Variants in ANO4 observed in about 807,000 individuals in gnomAD.
The protein encoded by ANO4 is anoctamin-4.
ANO4 carries 69 observed loss-of-function variants against 141.9 expected under a neutral mutation model. The ratio of observed to expected loss-of-function variants is 0.49; its 90% CI spans 0.40 to 0.59. ANO4 has a LOEUF of 0.59. Among genes scored for constraint, ANO4 ranks in the 20% least tolerant of loss-of-function variants. ANO4 has a pLI of 0.00. For synonymous variants in ANO4, 350 were observed against 394.3 expected (o/e 0.89, Z 1.33); for missense variants, 894 against 1,162.2 (o/e 0.77, Z 3.36).
intron 1 of ANO4, among the ~76,000 whole-genome samples, chr12:100,842,678 A>T (rs2037336527): frequency 6.6e-6 from 1 of 152,106 alleles, no homozygotes; most frequent in Non-Finnish European, 1.5e-5. Flanking sequence ...GAGCAGATTC[A>T]GTGTCTGGTG....
chr12:100,727,223 T>A (rs77568581), intron 1 of ANO4, among the ~76,000 whole-genome samples: 2,010 of 152,342 alleles, frequency 0.013, 20 homozygotes, highest in Non-Finnish European at 0.022. Flanking sequence ...GTGTTTTTAC[T>A]AAAATTTTTC....
At chr12:100,845,773 G>A (rs1463112402) in intron 1 of ANO4, among the ~76,000 whole-genome samples, 1 of 152,172 alleles carries the variant, frequency 6.6e-6, no homozygotes, top group Admixed American at 6.5e-5. Context: ...TCATAATGTT[G>A]TTTTTAGATA....
At chr12:101,028,677 A>G (rs545263911) in intron 9 of ANO4, among the ~76,000 whole-genome samples, 51 of 152,348 alleles carry the variant, frequency 3.3e-4, no homozygotes, top group Non-Finnish European at 6.8e-4. Context: ...ATGGGACTTC[A>G]TAAAAAGACC....
intron 11 of ANO4, 99 bp downstream of exon 11, chr12:101,040,175 GTGTAC>G: frequency 6.9e-7 from 1 of 1,443,184 alleles, no homozygotes; most frequent in Non-Finnish European, 9.3e-7. Context: ...AGAGCCTGAA[GTGTAC>G]AGCTCTCACT....
At chr12:100,730,224 C>G (rs543562666) in intron 1 of ANO4, among the ~76,000 whole-genome samples, 1 of 152,130 alleles carries the variant, frequency 6.6e-6, no homozygotes, top group South Asian at 2.1e-4. Context: ...TTTATTGATT[C>G]AGCAAATTCC....
intron 13 of ANO4, among the ~76,000 whole-genome samples, chr12:101,046,439 ATTTC>A (rs1295687285): frequency 1.3e-5 from 2 of 152,180 alleles, no homozygotes; most frequent in East Asian, 3.9e-4. Context: ...GAGCTTATGT[ATTTC>A]TCTAACCTGT....
intron 3 of ANO4, among the ~76,000 whole-genome samples, chr12:100,751,975 C>G (rs534333743): frequency 1.3e-5 from 2 of 152,260 alleles, no homozygotes; most frequent in South Asian, 4.1e-4. Flanking sequence ...CTTGTCTTCT[C>G]AGCTTTGTGA....
chr12:100,970,663 C>CGCCTTCCT (rs372004015), intron 5 of ANO4, among the ~76,000 whole-genome samples: 5,269 of 91,710 alleles, frequency 0.057, 684 homozygotes, highest in Admixed American at 0.085. Flanking sequence ...CTCCCTCCCT[C>CGCCTTCCT]TCCTTCCTTC....
intron 1 of ANO4, among the ~76,000 whole-genome samples, chr12:100,871,247 G>C (rs982652251): frequency 6.6e-6 from 1 of 152,162 alleles, no homozygotes; most frequent in African/African-American, 2.4e-5. Flanking sequence ...ACATAATTCA[G>C]TGTGCCTATG....
chr12:100,992,767 G>C (rs2045198586), intron 8 of ANO4, among the ~76,000 whole-genome samples: 1 of 152,130 alleles, frequency 6.6e-6, no homozygotes, highest in Non-Finnish European at 1.5e-5. Context: ...GCATAAAATT[G>C]GCACACAATG....
chr12:101,058,284 G>A (rs1295416959), intron 14 of ANO4, among the ~76,000 whole-genome samples: 3 of 152,222 alleles, frequency 2.0e-5, no homozygotes, highest in African/African-American at 7.2e-5. Flanking sequence ...ATAGTTTGAA[G>A]TCAGGTAGCG....
chr12:100,787,800 T>C (rs2033920641), intron 3 of ANO4, among the ~76,000 whole-genome samples: 1 of 152,200 alleles, frequency 6.6e-6, no homozygotes, highest in Non-Finnish European at 1.5e-5. Flanking sequence ...TGTCATTTTC[T>C]TTGGGCCACA....
chr12:100,870,354 G>C (rs866415133), intron 1 of ANO4, among the ~76,000 whole-genome samples: 1 of 152,158 alleles, frequency 6.6e-6, no homozygotes, highest in South Asian at 2.1e-4. Context: ...CCTTTCTTTA[G>C]TTATCCTTAT....
chr12:100,730,790 G>A (rs1017188582), intron 1 of ANO4, among the ~76,000 whole-genome samples: 2 of 151,972 alleles, frequency 1.3e-5, no homozygotes, highest in African/African-American at 4.8e-5. Flanking sequence ...GAAAGAGTTG[G>A]CCACATACAC....
chr12:101,009,869 T>A (rs1485208400), intron 8 of ANO4, among the ~76,000 whole-genome samples: 2 of 152,178 alleles, frequency 1.3e-5, no homozygotes, highest in Admixed American at 6.5e-5. Flanking sequence ...CCTGGGCTGA[T>A]CCTCTAATGT....
chr12:101,056,635 T>C (rs1242372393), intron 14 of ANO4, among the ~76,000 whole-genome samples: 1 of 152,130 alleles, frequency 6.6e-6, no homozygotes, highest in Non-Finnish European at 1.5e-5. Context: ...GGATACAAGT[T>C]ATGTACTAGA....
rs1183375687 is a variant in ANO4, at chr12:101,079,282, A to C, written c.1395+7A>C. The C allele has an allele frequency of 6.2e-7, 1 of 1,609,944 alleles. No homozygotes were observed. The highest frequency in any genetic ancestry group is 8.5e-7 in the Non-Finnish European group (1 of 1,176,416). On this transcript the variant is annotated splice_region_variant and intron_variant, in intron 15 of 27. Transcript: ENST00000392977. Reference sequence around the variant, plus strand: ...AGACTGGGAAGAAGAGGAGGTTTGTATCATTTACCTCAGAATGTTGTAAAA... The same window carrying C: ...AGACTGGGAAGAAGAGGAGGTTTGTCTCATTTACCTCAGAATGTTGTAAAA...
chr12:100,759,066 G>A (rs1019629671), intron 3 of ANO4, among the ~76,000 whole-genome samples: 3 of 152,058 alleles, frequency 2.0e-5, no homozygotes, highest in African/African-American at 7.2e-5. Flanking sequence ...CATATATTTT[G>A]GGAGGCACTA....
intron 1 of ANO4, among the ~76,000 whole-genome samples, chr12:100,830,009 G>T (rs2036556516): frequency 6.6e-6 from 1 of 151,994 alleles, no homozygotes; most frequent in Non-Finnish European, 1.5e-5. Flanking sequence ...GTGTGATCTT[G>T]AACAAGTCTG....
Sources: gnomAD v4.1 joint callset for allele counts (sites outside exome capture counted in the v4.1 genomes callset) on GRCh38, gnomAD v4.1.1 for gene constraint, MANE v1.5 for transcripts, NCBI Gene and HGNC (gene_info 2026-07-23, HGNC 2026-07-21) for gene names.